The following MFAP2 variants were observed in gnomAD, a reference collection of about 807,000 sequenced individuals.
MFAP2 encodes microfibril associated protein 2.
Under a neutral mutation model 30.6 loss-of-function variants are expected in MFAP2, and 23 were observed. The observed-to-expected ratio is 0.75, with a 90% confidence interval of 0.54 to 1.07. The LOEUF (loss-of-function observed/expected upper bound fraction) is 1.07. Ranked by LOEUF, MFAP2 falls within the 50% of genes least tolerant of loss-of-function variation. The probability of loss-of-function intolerance (pLI) is 0.00; values close to 1 mark genes in which losing one functional copy is unlikely to be tolerated. For missense variants in MFAP2, 198 were observed against 223.8 expected (o/e 0.88, Z 0.74); for synonymous variants, 73 against 85.7 (o/e 0.85, Z 0.82).
In MFAP2 at chr1:16,975,370, A is replaced by G; in HGVS notation, c.375-28T>C. 6.2e-7 allele frequency: 1 copy of G among 1,609,526 alleles called. No individual in the cohort carries two copies. Among genetic ancestry groups the G allele is most frequent in the Non-Finnish European group, 8.5e-7 (1 of 1,177,298 alleles). On this transcript the variant is annotated intron_variant, in intron 7 of 8. Coordinates refer to ENST00000375535, the MANE Select transcript of MFAP2 (RefSeq NM_002403.4). The surrounding 1 kb of genome is among the most constrained non-coding windows in gnomAD (Gnocchi z 5.0). ...GCGGGGACAGGGCACGGGAGGTCTC[A>G]GCCCCACTTCCACCCAATCCCACTG...
intron 1 of MFAP2, among the ~76,000 whole-genome samples, chr1:16,978,630 C>T (rs1213722343): frequency 6.6e-6 from 1 of 152,218 alleles, no homozygotes; most frequent in Non-Finnish European, 1.5e-5. Flanking sequence ...GCTCCCAGCC[C>T]AGGCCATTCT....
In MFAP2 at chr1:16,976,438, C is replaced by G. The variant is rs1431586013; in HGVS notation, c.286+63G>C. 6.2e-7 allele frequency: 1 copy of G among 1,604,570 alleles called. No homozygotes were observed. The highest frequency in any genetic ancestry group is 8.5e-7 in the Non-Finnish European group (1 of 1,171,440). On this transcript the variant is annotated intron_variant, in intron 6 of 8. Coordinates refer to ENST00000375535, the MANE Select transcript of MFAP2 (RefSeq NM_002403.4). The surrounding 1 kb of genome is among the most constrained non-coding windows in gnomAD (Gnocchi z 5.5). ...AAGACCTCCAGCCCACCAGCACCAC[C>G]CCCTACTCCACCCCAACTTCAGGGC...
intron 1 of MFAP2, 23 bp downstream of exon 1, chr1:16,980,564 C>T (rs905780150): frequency 1.3e-5 from 2 of 152,030 alleles, no homozygotes; most frequent in Non-Finnish European, 2.9e-5. Context: ...CCCGGGGCCC[C>T]CAAGCGCCAG....
rs1442084803 is a variant in MFAP2, at chr1:16,975,891, A to G, written c.287-161T>C. On this transcript the variant is annotated intron_variant, in intron 6 of 8. Transcript: ENST00000375535. The surrounding 1 kb of genome is among the most constrained non-coding windows in gnomAD (Gnocchi z 5.0). ...CCACATAGACCCACGCAGCATTGTC[A>G]GACTTCCCAGGGCTGTAATATTCAC... Among the ~76,000 whole-genome samples, 1 of 152,104 alleles carries G rather than the reference A, an allele frequency of 6.6e-6. No individual in the cohort carries two copies. Among genetic ancestry groups the G allele is most frequent in the Non-Finnish European group, 1.5e-5 (1 of 68,020 alleles).
At chr1:16,981,428 C>G (rs144011070), upstream of MFAP2, among the ~76,000 whole-genome samples, 235 of 152,342 alleles carry the variant, frequency 1.5e-3, 4 homozygotes, top group East Asian at 0.042. Flanking sequence ...CCCAGTCCCC[C>G]CTTGGCCCCG....
At position 16,976,768 on chromosome 1, in the gene MFAP2, G is replaced by A; in HGVS notation, c.181C>T (p.Gln61Ter). ...TGCTGCTGGGACTGGAACTGGAACT[G>A]TTCCTCGGAGGGCCGAGGAGTCACC... is the stretch of plus-strand genomic sequence containing the variant. ...QEVTPRPSEEQFQFQSQQQVQ... is the reference protein window; with the variant it reads ...QEVTPRPSEE The change falls in exon 5 of 9, where the codon CAG becomes TAG. Residue 61 changes from glutamine to a stop codon, truncating the protein, a stop_gained. Transcript: ENST00000375535. LOFTEE classifies it high-confidence loss of function. This position sits in a 1 kb window ranked among gnomAD's most constrained non-coding sequence, Gnocchi z 5.5. 1 of 1,613,984 alleles carries A rather than the reference G, an allele frequency of 6.2e-7. No individual in the cohort carries two copies. The highest frequency in any genetic ancestry group is 8.5e-7 in the Non-Finnish European group (1 of 1,179,942).
Position 16,977,351 on chromosome 1 carries a change from G to A in MFAP2, c.38-153C>T, listed in dbSNP as rs1049037922. ...TCCTAGAGGATCCAGACTCTTCTTC[G>A]ATGGTAAAGACCCTTCCCCACCCTG... is the stretch of plus-strand genomic sequence containing the variant. On this transcript the variant is annotated intron_variant, in intron 2 of 8. Coordinates refer to ENST00000375535, the MANE Select transcript of MFAP2 (RefSeq NM_002403.4). 15 of 704,424 alleles carry A rather than the reference G, an allele frequency of 2.1e-5. No individual in the cohort carries two copies. In the South Asian group the frequency reaches 2.4e-4, roughly 11 times the overall value. The allele number at this position is 704,424 out of a possible 1,614,324, so 43.6% of individuals were successfully genotyped here.
At chr1:16,979,588 C>T (rs2076620505) in intron 1 of MFAP2, among the ~76,000 whole-genome samples, 1 of 152,202 alleles carries the variant, frequency 6.6e-6, no homozygotes, top group African/African-American at 2.4e-5. Context: ...TAGCTGGCTC[C>T]CCACACCCCA....
chr1:16,975,193 C>A lies in MFAP2; in HGVS notation c.448+76G>T. The A allele has an allele frequency of 7.0e-7, 1 of 1,418,464 alleles. No individual in the cohort carries two copies. Among genetic ancestry groups the A allele is most frequent in the Non-Finnish European group, 9.9e-7 (1 of 1,012,900 alleles). The allele number at this position is 1,418,464 out of a possible 1,614,324, so 87.9% of individuals were successfully genotyped here. A position where few individuals can be genotyped will look rare whatever the true frequency, so the allele number is the denominator to read the frequency against. Reference sequence around the variant, plus strand: ...TGGATAATATGTGTTGAATAAACATCAGGTGGGTGGCTAGGTGGCCAGATA... The same window carrying A: ...TGGATAATATGTGTTGAATAAACATAAGGTGGGTGGCTAGGTGGCCAGATA... On this transcript the variant is annotated intron_variant, in intron 8 of 8. Transcript: ENST00000375535. This position sits in a 1 kb window ranked among gnomAD's most constrained non-coding sequence, Gnocchi z 5.0.
intron 1 of MFAP2, among the ~76,000 whole-genome samples, 178 bp downstream of exon 1, chr1:16,980,409 C>T (rs1158269902): frequency 1.3e-5 from 2 of 151,950 alleles, no homozygotes; most frequent in East Asian, 3.9e-4. Context: ...TGCAGAGCAA[C>T]CCCAAACTTT....
upstream of MFAP2, among the ~76,000 whole-genome samples, chr1:16,981,424 C>A (rs567544778): frequency 6.6e-6 from 1 of 152,226 alleles, no homozygotes; most frequent in East Asian, 1.9e-4. Context: ...GATTCCCAGT[C>A]CCCCCTTGGC....
rs893550964 is a variant in MFAP2, at chr1:16,976,786, G to T, written c.163C>A (p.Pro55Thr). The T allele has an allele frequency of 1.2e-6, 2 of 1,614,016 alleles. No individual in the cohort carries two copies. The highest frequency in any genetic ancestry group is 1.7e-4 in the Middle Eastern group (1 of 6,040). ...TGGAACTGTTCCTCGGAGGGCCGAG[G>T]AGTCACCTCTGCAGCCAGGGGAGGA... Reference protein sequence around the residue: ...PDYYDYQEVTPRPSEEQFQFQ... With the variant: ...PDYYDYQEVTTRPSEEQFQFQ... Residue 55 changes from proline (P) to threonine (T), a missense_variant, in exon 5 of 9, where the codon CCT becomes ACT. Physicochemically the swap from Pro to Thr is conservative, Grantham distance 38. Transcript: ENST00000375535. The surrounding 1 kb of genome is among the most constrained non-coding windows in gnomAD (Gnocchi z 5.5).
In MFAP2 at chr1:16,976,525, C is replaced by T; in HGVS notation, c.262G>A (p.Glu88Lys). Reference sequence around the variant, plus strand: ...CCAAGAGGCCCAGGCTCTGTGGGCTCCAGCTCTGCATTTCCTGGTTCTGGT... The same window carrying T: ...CCAAGAGGCCCAGGCTCTGTGGGCTTCAGCTCTGCATTTCCTGGTTCTGGT... ...PTPEPGNAEL[E>K]PTEPGPLDCR... The change falls in exon 6 of 9, where the codon GAG (glutamate) becomes AAG (lysine). Residue 88 changes from glutamate to lysine, a missense_variant. By Grantham distance (56) the Glu-to-Lys change is moderately conservative. Coordinates refer to ENST00000375535, the MANE Select transcript of MFAP2 (RefSeq NM_002403.4). The surrounding 1 kb of genome is among the most constrained non-coding windows in gnomAD (Gnocchi z 5.5). 1.2e-6 allele frequency: 2 copies of T among 1,614,230 alleles called. No individual in the cohort carries two copies. The highest frequency in any genetic ancestry group is 1.7e-6 in the Non-Finnish European group (2 of 1,180,036).
chr1:16,979,303 C>A (rs1346093413), intron 1 of MFAP2, among the ~76,000 whole-genome samples: 2 of 152,152 alleles, frequency 1.3e-5, no homozygotes, highest in African/African-American at 4.8e-5. Context: ...GGGAGGGCTG[C>A]GAGGGCGGGG....
intron 1 of MFAP2, among the ~76,000 whole-genome samples, chr1:16,978,594 G>A (rs1326695235): frequency 1.3e-5 from 2 of 152,172 alleles, no homozygotes; most frequent in Non-Finnish European, 2.9e-5. Context: ...ACCCTGCCCT[G>A]CTCACTAAGG....
chr1:16,978,343 C>G, intron 1 of MFAP2, 29 bp from the exon 2 acceptor site: 2 of 1,518,966 alleles, frequency 1.3e-6, no homozygotes, highest in Non-Finnish European at 1.8e-6. Context: ...GAGAGCTCTA[C>G]CCAGGGCCAC....
upstream of MFAP2, among the ~76,000 whole-genome samples, chr1:16,981,403 T>C (rs2076637272): frequency 6.6e-6 from 1 of 151,946 alleles, no homozygotes; most frequent in Non-Finnish European, 1.5e-5. Flanking sequence ...CCCCCAGACC[T>C]GGCCCTCCAG....
chr1:16,976,552 T>A lies in MFAP2; in HGVS notation c.242-7A>T. 1 of 1,614,098 alleles carries A rather than the reference T, an allele frequency of 6.2e-7. No individual in the cohort carries two copies. The highest frequency in any genetic ancestry group is 8.5e-7 in the Non-Finnish European group (1 of 1,180,008). ...AGCTCTGCATTTCCTGGTTCTGGTG[T>A]GGAGACAGAGGTAGGCAGACATCAC... On this transcript the variant is annotated splice_region_variant and splice_polypyrimidine_tract_variant and intron_variant, in intron 5 of 8. Transcript: ENST00000375535. The surrounding 1 kb of genome is among the most constrained non-coding windows in gnomAD (Gnocchi z 5.5).
rs2076577816 is a variant in MFAP2, at chr1:16,975,126, T to C, written c.449-103A>G. The C allele has an allele frequency of 7.6e-7, 1 of 1,315,846 alleles. No individual in the cohort carries two copies. Among genetic ancestry groups the C allele is most frequent in the African/African-American group, 1.5e-5 (1 of 68,782 alleles). The allele number at this position is 1,315,846 out of a possible 1,614,324, so 81.5% of individuals were successfully genotyped here. On this transcript the variant is annotated intron_variant, in intron 8 of 8. Coordinates refer to ENST00000375535, the MANE Select transcript of MFAP2 (RefSeq NM_002403.4). The surrounding 1 kb of genome is among the most constrained non-coding windows in gnomAD (Gnocchi z 5.0). ...ATGGGAGTGTTTTGAGGATGAAAAGTAGCAAGGAGGGGAGCTCAGGGTGTC... is the reference window on the plus strand; with the variant it reads ...ATGGGAGTGTTTTGAGGATGAAAAGCAGCAAGGAGGGGAGCTCAGGGTGTC...
Sources: allele counts gnomAD v4.1 joint callset (sites outside exome capture counted in the v4.1 genomes callset), GRCh38; gene constraint gnomAD v4.1.1; non-coding constraint Gnocchi (gnomAD v3.1); transcripts MANE v1.5; gene names NCBI Gene and HGNC (gene_info 2026-07-23, HGNC 2026-07-21).